The following CACNA1S variants were observed in gnomAD, a reference collection of about 807,000 sequenced individuals.
The protein encoded by CACNA1S is calcium voltage-gated channel subunit alpha1 S.
CACNA1S carries 126 observed loss-of-function variants against 207.4 expected under a neutral mutation model. The ratio of observed to expected loss-of-function variants is 0.61; its 90% CI spans 0.53 to 0.70. The LOEUF is 0.70. Ranked by LOEUF, CACNA1S falls within the 30% of genes least tolerant of loss-of-function variation. CACNA1S has a pLI of 0.00. For synonymous variants in CACNA1S, 960 were observed against 932.7 expected, an observed-to-expected ratio of 1.03 and a Z score of -0.53; for missense variants, 2,349 against 2,422.8, an observed-to-expected ratio of 0.97 and a Z score of 0.64.
intron 40 of CACNA1S, among the ~76,000 whole-genome samples, chr1:201,042,489 C>A (rs112978990): frequency 3.3e-5 from 5 of 152,354 alleles, no homozygotes; most frequent in African/African-American, 9.6e-5. Context: ...CCCAACAAGA[C>A]GACAACCCCC....
At position 201,089,272 on chromosome 1, in the gene CACNA1S, C is replaced by T. The variant is rs1210203396; in HGVS notation, c.886G>A (p.Asp296Asn). Residue 296 changes from aspartate (D) to asparagine (N), a missense_variant, in exon 6 of 44, where the codon GAC becomes AAC. By Grantham distance (23) the Asp-to-Asn change is conservative (BLOSUM62 1). Coordinates refer to ENST00000362061, the MANE Select transcript of CACNA1S (RefSeq NM_000069.3). ...YQCITMEGWT[D>N]VLYWVNDAIG... ...CCCAGACCCACCCAGTAAAGGACGT[C>T]AGTCCATCCCTCCATGGTAATGCAC... 6.2e-7 allele frequency: 1 copy of T among 1,614,250 alleles called. No individual in the cohort carries two copies. Among genetic ancestry groups the T allele is most frequent in the Admixed American group, 1.7e-5 (1 of 60,036 alleles).
In CACNA1S at chr1:201,039,586, A is replaced by C. The variant is rs1442973578; in HGVS notation, c.*245T>G. Reference sequence around the variant, plus strand: ...GCCCTAGGCCAGACAGGCACTGACCAGGCCTTTTTGAATGACATTAGAAGC... The same window carrying C: ...GCCCTAGGCCAGACAGGCACTGACCCGGCCTTTTTGAATGACATTAGAAGC... On this transcript the variant is annotated 3_prime_UTR_variant, in exon 44 of 44. Coordinates refer to ENST00000362061, the MANE Select transcript of CACNA1S (RefSeq NM_000069.3). 1.7e-6 allele frequency: 1 copy of C among 590,512 alleles called. No individual in the cohort carries two copies. 36.6% of individuals were successfully genotyped at this position (590,512 alleles called of 1,614,324 possible). A position where few individuals can be genotyped will look rare whatever the true frequency, so the allele number is the denominator to read the frequency against.
At chr1:201,054,484 G>C in intron 29 of CACNA1S, 21 bp downstream of exon 29, 2 of 1,612,576 alleles carry the variant, frequency 1.2e-6, no homozygotes, top group Non-Finnish European at 8.5e-7. Flanking sequence ...TGCCAGGCAG[G>C]CTCGTGCAGC....
In CACNA1S at chr1:201,106,572, A is replaced by C. The variant is rs562296616; in HGVS notation, c.258+3592T>G. On this transcript the variant is annotated intron_variant, in intron 2 of 43. Transcript: ENST00000362061. ...GTAGGAAATGAGTGCTGATGAAGGT[A>C]CTAAATATAAAGCTTTTCCCTTTCT... Among the ~76,000 whole-genome samples the C allele has an allele frequency of 6.6e-5, 10 of 152,286 alleles. No individual in the cohort carries two copies. The South Asian group carries it at 1.7e-3, about 25-fold the overall frequency.
chr1:201,051,281 T>C (rs1323945576), intron 32 of CACNA1S, 138 bp from the exon 33 acceptor site: 2 of 779,370 alleles, frequency 2.6e-6, no homozygotes, highest in African/African-American at 1.7e-5. Flanking sequence ...CAGATCTTCA[T>C]GTTCACTGTG....
chr1:201,053,386 C>G lies in CACNA1S; in HGVS notation c.3795+73G>C. 2 of 1,611,398 alleles carry G rather than the reference C, an allele frequency of 1.2e-6. No individual in the cohort carries two copies. The highest frequency in any genetic ancestry group is 1.7e-5 in the Admixed American group (1 of 60,002). On this transcript the variant is annotated intron_variant, in intron 30 of 43. Transcript: ENST00000362061. The surrounding 1 kb of genome is among the most constrained non-coding windows in gnomAD (Gnocchi z 5.1). The stretch of plus-strand genomic sequence containing the variant: ...TGCCTTGCCCAGGGCTCCCCTGGGG[C>G]CCACCCTGGGCTGAGGCAGATGTCC...
intron 7 of CACNA1S, among the ~76,000 whole-genome samples, chr1:201,086,595 A>C (rs545224888): frequency 4.0e-4 from 61 of 152,366 alleles, no homozygotes; most frequent in African/African-American, 1.4e-3. Flanking sequence ...CTAAACATAG[A>C]GAAGGTACAG....
chr1:201,084,905 G>A, intron 9 of CACNA1S, 45 bp downstream of exon 9: 2 of 1,298,982 alleles, frequency 1.5e-6, no homozygotes, highest in Non-Finnish European at 2.2e-6. Flanking sequence ...CATGTCTCAG[G>A]GAGCTGGGGG....
intron 16 of CACNA1S, among the ~76,000 whole-genome samples, 159 bp downstream of exon 16, chr1:201,072,596 G>A (rs1422674851): frequency 6.6e-6 from 1 of 152,116 alleles, no homozygotes; most frequent in African/African-American, 2.4e-5. Flanking sequence ...GCTGGCAGAT[G>A]GCTTATTTGC....
At chr1:201,043,962 G>A (rs1660386439) in intron 39 of CACNA1S, among the ~76,000 whole-genome samples, 1 of 152,098 alleles carries the variant, frequency 6.6e-6, no homozygotes, top group Non-Finnish European at 1.5e-5. Flanking sequence ...CAGCAATAAA[G>A]TGTTATAAGA....
At chr1:201,070,639 G>T (rs563073989) in intron 16 of CACNA1S, among the ~76,000 whole-genome samples, 1 of 152,290 alleles carries the variant, frequency 6.6e-6, no homozygotes, top group South Asian at 2.1e-4. Context: ...CAGAAGTGGG[G>T]CAAGGAGCAA....
rs748096217 is a variant in CACNA1S, at chr1:201,061,250, G to A, written c.3255+17C>T. 8 of 1,611,142 alleles carry A rather than the reference G, an allele frequency of 5.0e-6. No individual in the cohort carries two copies. The African/African-American group carries it at 1.1e-4, about 22-fold the overall frequency. On this transcript the variant is annotated intron_variant, in intron 25 of 43. Transcript: ENST00000362061. Reference sequence around the variant, plus strand: ...GCTGGAGCTCTGCCCTCCACCTCTGGCAGGCAGCCCAGGCACCTGGTTCTT... The same window carrying A: ...GCTGGAGCTCTGCCCTCCACCTCTGACAGGCAGCCCAGGCACCTGGTTCTT...
At chr1:201,059,987 G>A (rs1660983783) in intron 26 of CACNA1S, among the ~76,000 whole-genome samples, 1 of 152,232 alleles carries the variant, frequency 6.6e-6, no homozygotes, top group African/African-American at 2.4e-5. Context: ...TGCCTTGGCA[G>A]GACTGCCCAA....
Position 201,043,389 on chromosome 1 carries a change from A to G in CACNA1S, c.4940T>C (p.Phe1647Ser), listed in dbSNP as rs2102547613. ...GGGGTTGGTGCGTGGATCTTGTGGG[A>G]AGTCCTCCAAGAAGACAGGTGACTC... Reference protein sequence around the residue: ...EMESPVFLEDFPQDPRTNPLA... With the variant: ...EMESPVFLEDSPQDPRTNPLA... Residue 1647 changes from phenylalanine (F) to serine (S), a missense_variant, in exon 40 of 44, where the codon TTC becomes TCC. Coordinates refer to ENST00000362061, the MANE Select transcript of CACNA1S (RefSeq NM_000069.3). 1 of 1,614,166 alleles carries G rather than the reference A, an allele frequency of 6.2e-7. No individual in the cohort carries two copies. Among genetic ancestry groups the G allele is most frequent in the Non-Finnish European group, 8.5e-7 (1 of 1,180,030 alleles).
chr1:201,048,685 C>T lies in CACNA1S; in HGVS notation c.4339-1G>A. 6.2e-7 allele frequency: 1 copy of T among 1,612,952 alleles called. No homozygotes were observed. Among genetic ancestry groups the T allele is most frequent in the Non-Finnish European group, 8.5e-7 (1 of 1,179,480 alleles). ...GGGGCATGTTCATGCCCACCAGCCG[C>T]TGTACAGGGAGACGCAGTGGCCTGC... is the stretch of plus-strand genomic sequence containing the variant. On this transcript the variant is annotated splice_acceptor_variant, in intron 35 of 43. Transcript: ENST00000362061. LOFTEE classifies it high-confidence loss of function.
chr1:201,053,109 G>A lies in CACNA1S; in HGVS notation c.3861+100C>T, dbSNP rs1050308493. ...TCACGAGCAAGGCAGGGAGGGCGGAGGGTCCAGCCCGTGTGCTGCTCAGGC... is the reference window on the plus strand; with the variant it reads ...TCACGAGCAAGGCAGGGAGGGCGGAAGGTCCAGCCCGTGTGCTGCTCAGGC... On this transcript the variant is annotated intron_variant, in intron 31 of 43. Transcript: ENST00000362061. The surrounding 1 kb of genome is among the most constrained non-coding windows in gnomAD (Gnocchi z 5.1). 1.1e-5 allele frequency: 14 copies of A among 1,314,826 alleles called. No individual in the cohort carries two copies. In the African/African-American group the frequency reaches 1.7e-4, roughly 16 times the overall value. The allele number at this position is 1,314,826 out of a possible 1,614,324, so 81.4% of individuals were successfully genotyped here. A position where few individuals can be genotyped will look rare whatever the true frequency, so the allele number is the denominator to read the frequency against.
chr1:201,077,845 G>A (rs537823103), intron 11 of CACNA1S, 34 bp downstream of exon 11: 8 of 1,503,502 alleles, frequency 5.3e-6, no homozygotes, highest in Middle Eastern at 2.0e-4. Context: ...TGCCTGCCGG[G>A]GACCCGGGAG....
At position 201,089,252 on chromosome 1, in the gene CACNA1S, A is replaced by G. The variant is rs1303204072; in HGVS notation, c.900+6T>C. On this transcript the variant is annotated splice_donor_region_variant and intron_variant, in intron 6 of 43. Transcript: ENST00000362061. ...GATGGTTCTGCAGGCGCGGGCCCAG[A>G]CCCACCCAGTAAAGGACGTCAGTCC... The G allele has an allele frequency of 2.5e-6, 4 of 1,614,012 alleles. No homozygotes were observed. The highest frequency in any genetic ancestry group is 3.4e-6 in the Non-Finnish European group (4 of 1,179,858).
chr1:201,059,167 G>A (rs1660955157), intron 27 of CACNA1S, 22 bp downstream of exon 27: 1 of 1,502,248 alleles, frequency 6.7e-7, no homozygotes, highest in African/African-American at 1.4e-5. Context: ...TTCTCATCTG[G>A]CCCGGTGGCC....
Sources: gnomAD v4.1 joint callset for allele counts (sites outside exome capture counted in the v4.1 genomes callset) on GRCh38, gnomAD v4.1.1 for gene constraint, Gnocchi (gnomAD v3.1) non-coding constraint, MANE v1.5 for transcripts, NCBI Gene and HGNC (gene_info 2026-07-23, HGNC 2026-07-21) for gene names.